ADGRB3: variants seen among roughly 807,000 people sequenced by gnomAD.
ADGRB3 encodes brain-specific angiogenesis inhibitor 3.
In ADGRB3, 37 loss-of-function variants were observed where a neutral mutation model predicts 193.4. That is an observed-to-expected ratio of 0.19 (90% CI 0.15 to 0.25). ADGRB3 has a LOEUF of 0.25. Among genes scored for constraint, ADGRB3 ranks in the 10% least tolerant of loss-of-function variants. The pLI, the probability that ADGRB3 is intolerant of heterozygous loss-of-function variation, is 1.00. For missense variants in ADGRB3, 1,637 were observed against 1,852.9 expected (o/e 0.88, Z 2.14); for synonymous variants, 690 against 644.2 (o/e 1.07, Z -1.08).
intron 3 of ADGRB3, among the ~76,000 whole-genome samples, chr6:68,735,513 C>A (rs1259502743): frequency 6.6e-6 from 1 of 151,666 alleles, no homozygotes; most frequent in Admixed American, 6.6e-5. Context: ...TGGAAAGTAC[C>A]AGAAAGATGA....
chr6:69,289,479 A>G (rs1767619985), intron 20 of ADGRB3, among the ~76,000 whole-genome samples: 1 of 152,198 alleles, frequency 6.6e-6, no homozygotes, highest in South Asian at 2.1e-4. Context: ...CAACAAGGAC[A>G]GATTTAATTT....
chr6:69,181,149 C>T (rs1459498004), intron 17 of ADGRB3, among the ~76,000 whole-genome samples: 1 of 152,178 alleles, frequency 6.6e-6, no homozygotes, highest in African/African-American at 2.4e-5. Flanking sequence ...TTGCCTGCAT[C>T]CTCCTCCTGA....
At chr6:69,121,195 A>G (rs968804618) in intron 17 of ADGRB3, among the ~76,000 whole-genome samples, 1 of 151,882 alleles carries the variant, frequency 6.6e-6, no homozygotes, top group Non-Finnish European at 1.5e-5. Context: ...GAGATTAGGG[A>G]GTGGTGATGA....
At chr6:69,206,613 TA>T (rs1305208320) in intron 17 of ADGRB3, among the ~76,000 whole-genome samples, 2 of 152,124 alleles carry the variant, frequency 1.3e-5, no homozygotes, top group Non-Finnish European at 2.9e-5. Flanking sequence ...ACTCAAATAT[TA>T]TTACCTAACA....
intron 3 of ADGRB3, among the ~76,000 whole-genome samples, chr6:68,737,921 A>AT (rs1229932162): frequency 6.6e-6 from 1 of 152,192 alleles, no homozygotes; most frequent in Non-Finnish European, 1.5e-5. Context: ...CCAAAAATAA[A>AT]TATGTTAATC....
chr6:69,293,481 C>T (rs765935323), intron 20 of ADGRB3, among the ~76,000 whole-genome samples: 34 of 152,134 alleles, frequency 2.2e-4, no homozygotes, highest in Non-Finnish European at 4.7e-4. Context: ...GGGTGTTGAC[C>T]CTTTACGTTT....
At chr6:68,730,892 G>A (rs1018987584) in intron 3 of ADGRB3, among the ~76,000 whole-genome samples, 7 of 151,616 alleles carry the variant, frequency 4.6e-5, no homozygotes, top group African/African-American at 1.7e-4. Context: ...GAGAAAGTGC[G>A]CTGCTCTCTA....
chr6:69,059,041 T>A (rs1771635652), intron 15 of ADGRB3, among the ~76,000 whole-genome samples: 1 of 152,080 alleles, frequency 6.6e-6, no homozygotes, highest in Non-Finnish European at 1.5e-5. Flanking sequence ...ATCTGTCTAG[T>A]TATTAAAAAT....
chr6:69,328,018 G>A (rs928347779), intron 22 of ADGRB3, 129 bp downstream of exon 22: 3 of 664,694 alleles, frequency 4.5e-6, no homozygotes, highest in Non-Finnish European at 7.0e-6. Context: ...CATTAGTAAG[G>A]AACAAAACAA....
intron 17 of ADGRB3, among the ~76,000 whole-genome samples, chr6:69,167,392 G>A (rs1277271650): frequency 4.6e-5 from 7 of 152,014 alleles, no homozygotes; most frequent in Non-Finnish European, 1.0e-4. Context: ...ACATTTCAGG[G>A]CAAAAACTCA....
chr6:68,655,204 G>A (rs1768463073), intron 3 of ADGRB3, among the ~76,000 whole-genome samples: 1 of 151,356 alleles, frequency 6.6e-6, no homozygotes, highest in Non-Finnish European at 1.5e-5. Flanking sequence ...ATGTCATAGT[G>A]TTTAAGGGTC....
At chr6:68,816,856 A>G (rs995817382) in intron 3 of ADGRB3, among the ~76,000 whole-genome samples, 4 of 152,064 alleles carry the variant, frequency 2.6e-5, no homozygotes, top group Admixed American at 6.6e-5. Context: ...ATTCTATTCC[A>G]TTTTGTCTCT....
chr6:69,173,338 A>G (rs1355099645), intron 17 of ADGRB3, among the ~76,000 whole-genome samples: 1 of 152,184 alleles, frequency 6.6e-6, no homozygotes, highest in African/African-American at 2.4e-5. Flanking sequence ...GTGCCCAGCC[A>G]GGCCAGGCAA....
chr6:68,901,664 GA>G (rs1383992418), intron 3 of ADGRB3, among the ~76,000 whole-genome samples: 1 of 151,848 alleles, frequency 6.6e-6, no homozygotes, highest in African/African-American at 2.4e-5. Flanking sequence ...AAACAGTAAG[GA>G]AAAAAGTCAT....
chr6:69,338,990 C>T lies in ADGRB3; in HGVS notation c.3263C>T (p.Ser1088Leu). Residue 1088 changes from serine (S) to leucine (L), a missense_variant, in exon 25 of 32, where the codon TCA (serine) becomes TTA (leucine). Around this residue, in one of 7 missense-constraint regions of ADGRB3, gnomAD observed 56 missense variants for 53.3 expected, o/e 1.05. Coordinates refer to ENST00000370598, the MANE Select transcript of ADGRB3 (RefSeq NM_001704.3). Reference sequence around the variant, plus strand: ...GGAGTAGTTTCAACAACAGCTTTGTCAGCCACCACCGCCAGTAACGCCATG... The same window carrying T: ...GGAGTAGTTTCAACAACAGCTTTGTTAGCCACCACCGCCAGTAACGCCATG... ...KCGVVSTTAL[S>L]ATTASNAMAS... 1 of 1,613,774 alleles carries T rather than the reference C, an allele frequency of 6.2e-7. No individual in the cohort carries two copies. The highest frequency in any genetic ancestry group is 1.3e-5 in the African/African-American group (1 of 74,962).
chr6:69,260,362 T>C (rs1267201972), intron 20 of ADGRB3, among the ~76,000 whole-genome samples: 1 of 152,226 alleles, frequency 6.6e-6, no homozygotes, highest in African/African-American at 2.4e-5. Context: ...TAGATCTCCC[T>C]GCTGTAAGTG....
intron 3 of ADGRB3, among the ~76,000 whole-genome samples, chr6:68,742,959 CCT>C (rs752747209): frequency 6.6e-5 from 10 of 151,630 alleles, no homozygotes; most frequent in Admixed American, 1.3e-4. Flanking sequence ...TTTTTTCACC[CCT>C]GTTTGGAGTT....
At chr6:69,268,058 C>G (rs918704267) in intron 20 of ADGRB3, among the ~76,000 whole-genome samples, 2 of 152,034 alleles carry the variant, frequency 1.3e-5, no homozygotes, top group Non-Finnish European at 2.9e-5. Context: ...TGGAAAAAAG[C>G]TGGATTGAAG....
At chr6:68,853,640 C>G (rs915772814) in intron 3 of ADGRB3, among the ~76,000 whole-genome samples, 2 of 151,962 alleles carry the variant, frequency 1.3e-5, no homozygotes, top group African/African-American at 2.4e-5. Context: ...CATTATTTAT[C>G]TGCTCAATCT....
Sources: gnomAD v4.1 joint callset for allele counts (sites outside exome capture counted in the v4.1 genomes callset) on GRCh38, gnomAD v4.1.1 for gene constraint, gnomAD v4.1.1 regional missense constraint, MANE v1.5 for transcripts, NCBI Gene and HGNC (gene_info 2026-07-23, HGNC 2026-07-21) for gene names.